The following COL22A1 variants were observed in gnomAD, a reference collection of about 807,000 sequenced individuals.
COL22A1 encodes the protein collagen type XXII alpha 1 chain.
A neutral mutation model predicts 248.9 loss-of-function variants in COL22A1; 221 were observed. The ratio of observed to expected loss-of-function variants is 0.89; its 90% confidence interval spans 0.80 to 0.99. COL22A1 has a LOEUF of 0.99. Among genes scored for constraint, COL22A1 ranks in the 50% least tolerant of loss-of-function variants. COL22A1 has a pLI of 0.00. For synonymous variants in COL22A1, 891 were observed against 793.4 expected (o/e 1.12, Z -2.07); for missense variants, 2,240 against 2,179.0 (o/e 1.03, Z -0.56).
chr8:138,857,451 T>C (rs575278687), intron 3 of COL22A1, among the ~76,000 whole-genome samples: 3 of 152,258 alleles, frequency 2.0e-5, no homozygotes, highest in Admixed American at 1.3e-4. Flanking sequence ...CCGAGGCCGA[T>C]CCATGCCCAG....
At chr8:138,858,550 C>T (rs117552005) in intron 3 of COL22A1, among the ~76,000 whole-genome samples, 4,216 of 152,062 alleles carry the variant, frequency 0.028, 78 homozygotes, top group Non-Finnish European at 0.038. Flanking sequence ...TCCAGCTTTC[C>T]CCTGGAGATT....
At chr8:138,694,628 C>T (rs1320948959) in intron 33 of COL22A1, 67 bp from the exon 34 acceptor site, 16 of 1,542,788 alleles carry the variant, frequency 1.0e-5, no homozygotes, top group South Asian at 2.3e-5. Context: ...GCGGATGGGG[C>T]GGGGACGTTG....
At chr8:138,804,041 C>G (rs1817239565) in intron 10 of COL22A1, among the ~76,000 whole-genome samples, 1 of 152,172 alleles carries the variant, frequency 6.6e-6, no homozygotes, top group Non-Finnish European at 1.5e-5. Context: ...CCCCTCAGCT[C>G]CTGGGCCCCT....
intron 23 of COL22A1, among the ~76,000 whole-genome samples, chr8:138,737,275 C>T (rs1476301663): frequency 6.6e-6 from 1 of 152,180 alleles, no homozygotes; most frequent in Admixed American, 6.5e-5. Flanking sequence ...GACTGCTCAT[C>T]ACTTTTATCA....
At chr8:138,619,133 A>C (rs1180457409) in intron 53 of COL22A1, among the ~76,000 whole-genome samples, 1 of 152,178 alleles carries the variant, frequency 6.6e-6, no homozygotes, top group Non-Finnish European at 1.5e-5. Context: ...AACCTTAGCT[A>C]TGGAAAGTGT....
At chr8:138,732,725 T>G (rs1369624619) in intron 23 of COL22A1, among the ~76,000 whole-genome samples, 4 of 152,248 alleles carry the variant, frequency 2.6e-5, no homozygotes, top group Non-Finnish European at 2.9e-5. Flanking sequence ...AATTAACCAC[T>G]TATTAATTAA....
At chr8:138,900,462 C>T (rs181201576) in intron 1 of COL22A1, among the ~76,000 whole-genome samples, 166 of 152,304 alleles carry the variant, frequency 1.1e-3, no homozygotes, top group African/African-American at 3.5e-3. Context: ...GTTTTCCGAA[C>T]CTCCTTCTTT....
chr8:138,810,435 G>A (rs908509994), intron 9 of COL22A1, among the ~76,000 whole-genome samples: 12 of 152,220 alleles, frequency 7.9e-5, no homozygotes, highest in Non-Finnish European at 1.0e-4. Context: ...CAGCCTGACT[G>A]CGGTGGACCT....
intron 53 of COL22A1, among the ~76,000 whole-genome samples, chr8:138,617,782 G>T (rs2131921377): frequency 6.6e-6 from 1 of 152,280 alleles, no homozygotes; most frequent in African/African-American, 2.4e-5. Context: ...GCAGCTGTGG[G>T]ATCTTGGAAG....
intron 64 of COL22A1, among the ~76,000 whole-genome samples, chr8:138,591,121 C>T (rs138434842): frequency 1.3e-3 from 194 of 152,272 alleles, no homozygotes; most frequent in African/African-American, 4.5e-3. Context: ...AAACACAGTC[C>T]CCAGCAGTTC....
chr8:138,681,162 T>A (rs573355896), intron 39 of COL22A1, among the ~76,000 whole-genome samples: 1 of 152,204 alleles, frequency 6.6e-6, no homozygotes, highest in South Asian at 2.1e-4. Context: ...AATAATAAGG[T>A]CTAAAGCAGA....
chr8:138,699,128 G>C (rs975719375), intron 32 of COL22A1, among the ~76,000 whole-genome samples: 1 of 152,092 alleles, frequency 6.6e-6, no homozygotes, highest in Non-Finnish European at 1.5e-5. Flanking sequence ...CACAGCCAGA[G>C]CCCTGTGCAC....
intron 12 of COL22A1, among the ~76,000 whole-genome samples, chr8:138,783,303 T>G (rs181990604): frequency 0.038 from 5,720 of 152,078 alleles, 324 homozygotes; most frequent in African/African-American, 0.13. Context: ...ATATATATTT[T>G]TTTCAAAGGG....
At chr8:138,697,490 G>A (rs1275926081) in intron 32 of COL22A1, among the ~76,000 whole-genome samples, 1 of 152,126 alleles carries the variant, frequency 6.6e-6, no homozygotes, top group African/African-American at 2.4e-5. Flanking sequence ...CTCCAGCAAA[G>A]GTTCTGACAT....
chr8:138,801,713 T>C (rs995686087), intron 11 of COL22A1, among the ~76,000 whole-genome samples: 1 of 152,134 alleles, frequency 6.6e-6, no homozygotes, highest in African/African-American at 2.4e-5. Flanking sequence ...ACTCCATCTC[T>C]AATAAAAATA....
chr8:138,802,459 T>C (rs1329526279), intron 11 of COL22A1, among the ~76,000 whole-genome samples: 1 of 150,404 alleles, frequency 6.6e-6, no homozygotes, highest in Non-Finnish European at 1.5e-5. Flanking sequence ...CACAGTTGAG[T>C]AGGAATGATG....
intron 3 of COL22A1, among the ~76,000 whole-genome samples, chr8:138,862,976 C>T (rs1483770384): frequency 2.0e-5 from 3 of 152,084 alleles, no homozygotes; most frequent in African/African-American, 7.2e-5. Flanking sequence ...ACACAAAGGA[C>T]CAGCCATAAG....
chr8:138,653,855 AG>A (rs1264923430), intron 45 of COL22A1, among the ~76,000 whole-genome samples: 1 of 152,184 alleles, frequency 6.6e-6, no homozygotes, highest in Non-Finnish European at 1.5e-5. Context: ...AGATGAACAT[AG>A]TCTGTTCCCC....
At chr8:138,700,853 C>T (rs111804716) in intron 31 of COL22A1, among the ~76,000 whole-genome samples, 223 of 152,074 alleles carry the variant, frequency 1.5e-3, no homozygotes, top group African/African-American at 5.1e-3. Context: ...GGCGTGATGC[C>T]GGGTGCCTGT....
Sources: gnomAD v4.1 joint callset for allele counts (sites outside exome capture counted in the v4.1 genomes callset) on GRCh38, gnomAD v4.1.1 for gene constraint, MANE v1.5 for transcripts, NCBI Gene and HGNC (gene_info 2026-07-23, HGNC 2026-07-21) for gene names.